Variants in RCAN2 observed in about 807,000 individuals in gnomAD.
The protein encoded by RCAN2 is calcipressin-2.
Under a neutral mutation model 23.6 loss-of-function variants are expected in RCAN2, and 9 were observed. The observed-to-expected ratio is 0.38, with a 90% CI of 0.23 to 0.67. RCAN2 has a LOEUF of 0.67. Among genes scored for constraint, RCAN2 ranks in the 30% least tolerant of loss-of-function variants. The pLI is 0.51. For synonymous variants in RCAN2, 109 were observed against 115.7 expected (o/e 0.94, Z 0.37); for missense variants, 273 against 302.3 (o/e 0.90, Z 0.72).
intron 2 of RCAN2, among the ~76,000 whole-genome samples, chr6:46,278,246 A>G (rs552274533): frequency 6.6e-6 from 1 of 152,124 alleles, no homozygotes; most frequent in Non-Finnish European, 1.5e-5. Context: ...TTGTATTTTG[A>G]TATAATTTCA....
intron 2 of RCAN2, among the ~76,000 whole-genome samples, chr6:46,284,639 G>T (rs554779751): frequency 4.6e-5 from 7 of 152,262 alleles, no homozygotes; most frequent in Middle Eastern, 3.4e-3. Flanking sequence ...TTCTGCTGAG[G>T]GGGGAGCCTG....
chr6:46,289,229 C>A (rs1279795774), intron 2 of RCAN2, among the ~76,000 whole-genome samples: 1 of 151,762 alleles, frequency 6.6e-6, no homozygotes, highest in African/African-American at 2.4e-5. Flanking sequence ...TAATAACCAA[C>A]TTCACTATTT....
At chr6:46,253,956 C>T (rs1200715739) in intron 2 of RCAN2, among the ~76,000 whole-genome samples, 1 of 152,176 alleles carries the variant, frequency 6.6e-6, no homozygotes, top group Non-Finnish European at 1.5e-5. Context: ...GCTATACCAT[C>T]TAGATTTGTG....
intron 2 of RCAN2, among the ~76,000 whole-genome samples, chr6:46,449,641 C>A (rs927597110): frequency 2.0e-5 from 3 of 151,650 alleles, no homozygotes; most frequent in African/African-American, 7.3e-5. Flanking sequence ...ACCAATGGAA[C>A]AGAATAGAAA....
chr6:46,228,513 C>G (rs1002839693), intron 4 of RCAN2, among the ~76,000 whole-genome samples: 20 of 152,116 alleles, frequency 1.3e-4, no homozygotes, highest in Admixed American at 4.6e-4. Context: ...GAATTGATCC[C>G]TTTACCATTA....
chr6:46,445,292 A>G (rs773208802), intron 2 of RCAN2, among the ~76,000 whole-genome samples: 1 of 152,156 alleles, frequency 6.6e-6, no homozygotes, highest in African/African-American at 2.4e-5. Context: ...TCCAGGCTCC[A>G]GGCCTAACCC....
At chr6:46,405,316 G>A (rs886707487) in intron 2 of RCAN2, among the ~76,000 whole-genome samples, 4 of 152,020 alleles carry the variant, frequency 2.6e-5, no homozygotes, top group Non-Finnish European at 4.4e-5. Context: ...AAGAGGGAAA[G>A]AACAAAGCTT....
intron 2 of RCAN2, among the ~76,000 whole-genome samples, chr6:46,305,696 C>T (rs572412081): frequency 6.6e-6 from 1 of 152,116 alleles, no homozygotes; most frequent in African/African-American, 2.4e-5. Context: ...CAACAATCGA[C>T]CTGAGATTCT....
intron 2 of RCAN2, among the ~76,000 whole-genome samples, chr6:46,395,807 A>G (rs1766072668): frequency 1.3e-5 from 2 of 152,146 alleles, no homozygotes. Flanking sequence ...TTACCTGTCA[A>G]ATTTAATACC....
At chr6:46,455,956 C>T (rs1385524758) in intron 2 of RCAN2, among the ~76,000 whole-genome samples, 1 of 151,422 alleles carries the variant, frequency 6.6e-6, no homozygotes, top group Non-Finnish European at 1.5e-5. Flanking sequence ...ATAATAGTGG[C>T]TTTTACAACT....
chr6:46,359,167 T>C (rs1237204597), intron 2 of RCAN2, among the ~76,000 whole-genome samples: 1 of 152,206 alleles, frequency 6.6e-6, no homozygotes, highest in Non-Finnish European at 1.5e-5. Context: ...GGTCCTGAAA[T>C]CACATTTTGA....
chr6:46,491,655 C>T (rs1279797693), upstream of RCAN2, among the ~76,000 whole-genome samples: 2 of 152,072 alleles, frequency 1.3e-5, no homozygotes, highest in Non-Finnish European at 2.9e-5. Context: ...CCCTCAGCCC[C>T]GCACCCCCTC....
intron 2 of RCAN2, among the ~76,000 whole-genome samples, chr6:46,370,630 G>A (rs1421789187): frequency 1.2e-4 from 18 of 152,234 alleles, no homozygotes; most frequent in Admixed American, 1.2e-3. Context: ...CCTACAGGCA[G>A]TTATACCTTT....
chr6:46,382,775 C>T (rs922493022), intron 2 of RCAN2, among the ~76,000 whole-genome samples: 1 of 152,086 alleles, frequency 6.6e-6, no homozygotes, highest in Non-Finnish European at 1.5e-5. Context: ...AAAAGAATAC[C>T]CGCATATGGA....
chr6:46,389,728 C>T (rs1765873668), intron 2 of RCAN2, among the ~76,000 whole-genome samples: 1 of 152,184 alleles, frequency 6.6e-6, no homozygotes, highest in Non-Finnish European at 1.5e-5. Flanking sequence ...CTGCTGAGGC[C>T]TTATAGCCCG....
intron 2 of RCAN2, among the ~76,000 whole-genome samples, chr6:46,409,621 A>C (rs1220308103): frequency 6.6e-6 from 1 of 152,338 alleles, no homozygotes. Context: ...CCACTCATTC[A>C]TTAGTTCATT....
intron 2 of RCAN2, among the ~76,000 whole-genome samples, chr6:46,453,392 C>T (rs193276884): frequency 2.0e-5 from 3 of 152,228 alleles, no homozygotes; most frequent in Non-Finnish European, 4.4e-5. Context: ...ACAAGCCTCA[C>T]TGAAGTATGT....
intron 2 of RCAN2, among the ~76,000 whole-genome samples, chr6:46,330,950 G>T (rs1027077493): frequency 1.3e-5 from 2 of 152,154 alleles, no homozygotes; most frequent in Non-Finnish European, 2.9e-5. Flanking sequence ...GGTGCTATGT[G>T]TACTTCTATC....
rs1387936471 is a variant in RCAN2 at position 46,305,115 on chromosome 6, G to C, written c.226-56219C>G. Among the ~76,000 whole-genome samples the C allele has an allele frequency of 3.9e-5, 6 of 152,144 alleles. No homozygotes were observed. In the East Asian group the frequency reaches 1.2e-3, roughly 30 times the overall value. The stretch of plus-strand genomic sequence containing the variant: ...TATCTTCATGCAGTTTGCAACCTGA[G>C]GACCTCACTTCACATCAGTGCCTGG... On this transcript the variant is annotated intron_variant, in intron 2 of 4. Transcript: ENST00000371374.
Sources: allele counts gnomAD v4.1 joint callset (sites outside exome capture counted in the v4.1 genomes callset), GRCh38; gene constraint gnomAD v4.1.1; transcripts MANE v1.5; gene names NCBI Gene and HGNC (gene_info 2026-07-23, HGNC 2026-07-21).